Variants in PCDH15 observed in about 807,000 individuals in gnomAD.
PCDH15 encodes the protein protocadherin-15.
In PCDH15, 129 loss-of-function variants were observed where a neutral mutation model predicts 178.5. The observed-to-expected ratio is 0.72, with a 90% CI of 0.63 to 0.84. PCDH15 has a LOEUF of 0.84. Among genes scored for constraint, PCDH15 ranks in the 40% least tolerant of loss-of-function variants. The pLI, the probability that PCDH15 is intolerant of heterozygous loss-of-function variation, is 0.00. For synonymous variants in PCDH15, 800 were observed against 732.0 expected, an observed-to-expected ratio of 1.09 and a Z score of -1.50; for missense variants, 2,230 against 2,099.9, an observed-to-expected ratio of 1.06 and a Z score of -1.21.
At chr10:54,421,944 TAA>T (rs1171693793) in intron 3 of PCDH15, among the ~76,000 whole-genome samples, 2 of 107,344 alleles carry the variant, frequency 1.9e-5, no homozygotes, top group Admixed American at 9.1e-5. Flanking sequence ...TATATATATA[TAA>T]AAATATATAT....
intron 3 of PCDH15, among the ~76,000 whole-genome samples, chr10:54,379,350 A>G (rs1948890440): frequency 6.6e-6 from 1 of 152,218 alleles, no homozygotes; most frequent in Admixed American, 6.6e-5. Context: ...AGATATTGTG[A>G]AACTAAGAAA....
chr10:54,946,328 T>C (rs1271012270), intron 2 of PCDH15, among the ~76,000 whole-genome samples: 1 of 151,800 alleles, frequency 6.6e-6, no homozygotes, highest in African/African-American at 2.4e-5. Context: ...TCATTTGCCC[T>C]AGTTGAAACA....
chr10:54,297,193 G>A (rs577805391), intron 8 of PCDH15, among the ~76,000 whole-genome samples: 11 of 152,144 alleles, frequency 7.2e-5, no homozygotes, highest in African/African-American at 1.4e-4. Context: ...AAACAAAACC[G>A]CAGGTGGTTT....
chr10:54,337,711 G>C (rs1252190864), intron 6 of PCDH15, among the ~76,000 whole-genome samples: 1 of 152,030 alleles, frequency 6.6e-6, no homozygotes, highest in Non-Finnish European at 1.5e-5. Flanking sequence ...TCTGGTTTGG[G>C]GCTTGGAAAT....
chr10:54,128,389 G>T (rs562678781), intron 15 of PCDH15, among the ~76,000 whole-genome samples: 349 of 152,232 alleles, frequency 2.3e-3, no homozygotes, highest in Non-Finnish European at 4.3e-3. Context: ...AGATCTTCAA[G>T]GGGACAGTTG....
chr10:54,101,070 G>A (rs942226608), intron 15 of PCDH15, among the ~76,000 whole-genome samples: 2 of 152,132 alleles, frequency 1.3e-5, no homozygotes, highest in African/African-American at 2.4e-5. Context: ...AGACCTGGTA[G>A]GAGACAATTG....
chr10:55,028,849 C>A (rs1182733542), intron 2 of PCDH15, among the ~76,000 whole-genome samples: 3 of 151,988 alleles, frequency 2.0e-5, no homozygotes, highest in African/African-American at 7.2e-5. Context: ...CTACATATCA[C>A]CAACAACTTT....
intron 1 of PCDH15, among the ~76,000 whole-genome samples, chr10:54,684,244 T>G (rs931192069): frequency 2.0e-5 from 3 of 151,762 alleles, no homozygotes; most frequent in Non-Finnish European, 4.4e-5. Flanking sequence ...TTGTAAACAA[T>G]TAGAATGTAC....
At chr10:54,569,623 C>T (rs2089513463) in intron 2 of PCDH15, among the ~76,000 whole-genome samples, 1 of 152,110 alleles carries the variant, frequency 6.6e-6, no homozygotes. Flanking sequence ...AATACAGTAA[C>T]TGTTCTACTC....
intron 7 of PCDH15, among the ~76,000 whole-genome samples, chr10:54,326,873 A>T (rs1938245634): frequency 6.6e-6 from 1 of 152,198 alleles, no homozygotes; most frequent in Non-Finnish European, 1.5e-5. Context: ...AAAATGTTAT[A>T]ACTTTCTATA....
At chr10:54,287,902 G>A (rs1298592831) in intron 8 of PCDH15, among the ~76,000 whole-genome samples, 1 of 152,094 alleles carries the variant, frequency 6.6e-6, no homozygotes, top group Non-Finnish European at 1.5e-5. Flanking sequence ...GACTCTGGAC[G>A]CTAGATAAAA....
At chr10:53,814,631 C>T (rs2075994930) in intron 35 of PCDH15, among the ~76,000 whole-genome samples, 1 of 151,976 alleles carries the variant, frequency 6.6e-6, no homozygotes, top group Non-Finnish European at 1.5e-5. Flanking sequence ...GCTTCCACCA[C>T]CCATGAATGA....
chr10:55,500,152 G>T (rs950991790), intron 2 of PCDH15, among the ~76,000 whole-genome samples: 3 of 145,036 alleles, frequency 2.1e-5, no homozygotes, highest in Non-Finnish European at 4.4e-5. Flanking sequence ...CATCAGATAA[G>T]AACAGCAGAA....
At chr10:53,983,691 TA>T (rs1467561364) in intron 21 of PCDH15, among the ~76,000 whole-genome samples, 3 of 152,212 alleles carry the variant, frequency 2.0e-5, no homozygotes, top group Non-Finnish European at 4.4e-5. Context: ...ACATTCCTTG[TA>T]AAATTTATTT....
intron 1 of PCDH15, among the ~76,000 whole-genome samples, chr10:54,731,386 C>T (rs1381758117): frequency 2.7e-5 from 4 of 150,124 alleles, no homozygotes; most frequent in African/African-American, 9.7e-5. Flanking sequence ...AATAAAACTA[C>T]TATATGATCC....
chr10:54,381,962 T>C (rs2135117245), intron 3 of PCDH15, among the ~76,000 whole-genome samples: 1 of 152,278 alleles, frequency 6.6e-6, no homozygotes, highest in East Asian at 1.9e-4. Flanking sequence ...AAATCAGTAC[T>C]ATAAGAGAAA....
chr10:54,072,025 T>A (rs1437545226), intron 17 of PCDH15, among the ~76,000 whole-genome samples: 1 of 152,052 alleles, frequency 6.6e-6, no homozygotes, highest in Non-Finnish European at 1.5e-5. Context: ...ATAAATTACC[T>A]TATAACTTAT....
intron 2 of PCDH15, among the ~76,000 whole-genome samples, chr10:55,463,031 C>G (rs1196432152): frequency 7.3e-6 from 1 of 137,780 alleles, no homozygotes; most frequent in Non-Finnish European, 1.6e-5. Flanking sequence ...TGTATGTGAA[C>G]AAAGATGAGC....
intron 24 of PCDH15, 128 bp downstream of exon 24, chr10:53,940,738 T>G (rs1054315085): frequency 1.3e-6 from 1 of 743,538 alleles, no homozygotes; most frequent in African/African-American, 1.7e-5. Context: ...GGTTAACAAT[T>G]ACATTTAAGA....
Sources: gnomAD v4.1 joint callset for allele counts (sites outside exome capture counted in the v4.1 genomes callset) on GRCh38, gnomAD v4.1.1 for gene constraint, MANE v1.5 for transcripts, NCBI Gene and HGNC (gene_info 2026-07-23, HGNC 2026-07-21) for gene names.